The following EIF3L variants were observed in gnomAD, a reference collection of about 807,000 sequenced individuals.
EIF3L encodes eukaryotic translation initiation factor 3 subunit L, also known as eIEF associated protein HSPC021.
A neutral mutation model predicts 74.6 loss-of-function variants in EIF3L; 32 were observed. The observed-to-expected ratio is 0.43, with a 90% CI of 0.32 to 0.58. The LOEUF is 0.58. EIF3L is among the 20% of genes least tolerant of loss of function. The pLI is 0.06. For synonymous variants in EIF3L, 256 were observed against 254.4 expected, an observed-to-expected ratio of 1.01 and a Z score of -0.06; for missense variants, 474 against 707.8, an observed-to-expected ratio of 0.67 and a Z score of 3.75.
Position 37,863,207 on chromosome 22 carries a change from C to G in EIF3L, c.506-65C>G, listed in dbSNP as rs1925953945. On this transcript the variant is annotated intron_variant, in intron 6 of 12. Coordinates refer to ENST00000652021, the MANE Select transcript of EIF3L (RefSeq NM_016091.4). ...TTTAAGAGAGAAATTACAAAGCATTCTGCAGCCTACAGAATGGGCAGAGTC... is the reference window on the plus strand; with the variant it reads ...TTTAAGAGAGAAATTACAAAGCATTGTGCAGCCTACAGAATGGGCAGAGTC... The G allele has an allele frequency of 2.1e-6, 3 of 1,421,676 alleles. No homozygotes were observed. The Admixed American group carries it at 5.8e-5, about 28-fold the overall frequency. The allele number at this position is 1,421,676 out of a possible 1,614,324, so 88.1% of individuals were successfully genotyped here. A position where few individuals can be genotyped will look rare whatever the true frequency, so the allele number is the denominator to read the frequency against.
At chr22:37,850,705 G>A (rs1374256964) in intron 2 of EIF3L, 2 of 161,712 alleles carry the variant, frequency 1.2e-5, no homozygotes, top group African/African-American at 2.4e-5. Context: ...AATCTTTTTA[G>A]GAGGTGTCTG....
At chr22:37,856,177 A>G (rs1415510112) in intron 4 of EIF3L, among the ~76,000 whole-genome samples, 1 of 151,876 alleles carries the variant, frequency 6.6e-6, no homozygotes, top group Non-Finnish European at 1.5e-5. Flanking sequence ...CCTAGGTTCA[A>G]GCAATTCTCC....
At chr22:37,853,555 A>G (rs1555913757) in intron 3 of EIF3L, among the ~76,000 whole-genome samples, 2 of 152,200 alleles carry the variant, frequency 1.3e-5, no homozygotes, top group Non-Finnish European at 2.9e-5. Flanking sequence ...GGATCACTTG[A>G]GCCTGGGAGG....
intron 11 of EIF3L, chr22:37,879,802 C>CT (rs146526845): frequency 0.023 from 3,173 of 140,356 alleles, 96 homozygotes; most frequent in African/African-American, 0.073. Context: ...CTGCACAAAG[C>CT]TTTTTTTTTT....
chr22:37,882,715 A>C (rs1396947688), intron 11 of EIF3L: 1 of 151,538 alleles, frequency 6.6e-6, no homozygotes, highest in Non-Finnish European at 1.5e-5. Context: ...CATAATTTGC[A>C]TGATAAGCCG....
At chr22:37,859,046 C>T (rs1390168410) in intron 5 of EIF3L, among the ~76,000 whole-genome samples, 1 of 151,642 alleles carries the variant, frequency 6.6e-6, no homozygotes, top group Non-Finnish European at 1.5e-5. Flanking sequence ...GTACCTGCTG[C>T]TGCTTCTGCT....
rs1460327570 is a variant in EIF3L at position 37,863,353 on chromosome 22, G to T, written c.579+8G>T. ...GATGAGTTCATCTACCAGGTATCTG[G>T]TCAGCTTCAGCCTAATTTGAAATAA... On this transcript the variant is annotated splice_region_variant and intron_variant, in intron 7 of 12. Coordinates refer to ENST00000652021, the MANE Select transcript of EIF3L (RefSeq NM_016091.4). 6.2e-7 allele frequency: 1 copy of T among 1,607,656 alleles called. No individual in the cohort carries two copies.
chr22:37,867,965 A>G (rs113253568), intron 7 of EIF3L, among the ~76,000 whole-genome samples: 6 of 151,614 alleles, frequency 4.0e-5, no homozygotes, highest in South Asian at 2.1e-4. Flanking sequence ...AAAAAAAAAA[A>G]AAAAAGAAAA....
Position 37,888,637 on chromosome 22 carries a change from C to T in EIF3L, c.*173C>T, listed in dbSNP as rs192482351. The T allele has an allele frequency of 1.1e-4, 72 of 649,438 alleles. No homozygotes were observed. Among genetic ancestry groups the T allele is most frequent in the African/African-American group, 3.8e-4 (21 of 55,162 alleles). 40.2% of individuals were successfully genotyped at this position (649,438 alleles called of 1,614,324 possible). ...AAAGGATCTTTGGAGCCAGATTTGT[C>T]GTCTCATTATTGTAGGAGAGAATTT... On this transcript the variant is annotated 3_prime_UTR_variant, in exon 13 of 13. Transcript: ENST00000652021.
At chr22:37,850,140 G>A in intron 2 of EIF3L, 77 bp downstream of exon 2, 7 of 1,556,100 alleles carry the variant, frequency 4.5e-6, no homozygotes, top group Non-Finnish European at 5.3e-6. Flanking sequence ...AGCTCTGACA[G>A]GCATCAAAAA....
rs954465298 is a variant in EIF3L, at chr22:37,866,177, AAG to A, written c.579+2838_579+2839del. Among the ~76,000 whole-genome samples, 4 of 152,212 alleles carry A rather than the reference AAG, an allele frequency of 2.6e-5. 1 individual carries two copies. The highest frequency in any genetic ancestry group is 9.6e-5 in the African/African-American group (4 of 41,458). ...GCACTTACATAAACATGACTGTATA[AAG>A]AGAGATCACTTCAAAAATGGTTACG... On this transcript the variant is annotated intron_variant, in intron 7 of 12. Coordinates refer to ENST00000652021, the MANE Select transcript of EIF3L (RefSeq NM_016091.4).
intron 7 of EIF3L, among the ~76,000 whole-genome samples, chr22:37,866,592 T>C (rs1926162421): frequency 6.6e-6 from 1 of 152,168 alleles, no homozygotes; most frequent in South Asian, 2.1e-4. Context: ...GAGACCAGCC[T>C]GACCAACATG....
chr22:37,858,720 C>T lies in EIF3L; in HGVS notation c.415C>T (p.His139Tyr). The T allele has an allele frequency of 1.2e-6, 2 of 1,607,854 alleles. No individual in the cohort carries two copies. The highest frequency in any genetic ancestry group is 2.2e-5 in the East Asian group (1 of 44,820). ...LILYKELYYRHIYAKVSGGPS... is the reference protein window; with the variant it reads ...LILYKELYYRYIYAKVSGGPS... ...TTTATACAAAGAATTATACTACAGGCACATATATGCCAAAGTCAGTGTAAG... is the reference window on the plus strand; with the variant it reads ...TTTATACAAAGAATTATACTACAGGTACATATATGCCAAAGTCAGTGTAAG... Residue 139 changes from histidine to tyrosine, a missense_variant, in exon 5 of 13, where the codon CAC becomes TAC. Physicochemically the swap from His to Tyr is moderately conservative, Grantham distance 83. Coordinates refer to ENST00000652021, the MANE Select transcript of EIF3L (RefSeq NM_016091.4).
intron 5 of EIF3L, 62 bp downstream of exon 5, chr22:37,858,802 TG>T: frequency 7.0e-7 from 1 of 1,434,654 alleles, no homozygotes; most frequent in African/African-American, 1.4e-5. Flanking sequence ...GTGCTGTTTT[TG>T]TCCCTAGAAC....
Position 37,874,540 on chromosome 22 carries a change from T to G in EIF3L, c.906+16T>G. ...GAACAAGAAGGTGATGCCTATTGCC[T>G]CTGGCCCCTCTTGCCAGAGCCAGAA... On this transcript the variant is annotated intron_variant, in intron 9 of 12. Coordinates refer to ENST00000652021, the MANE Select transcript of EIF3L (RefSeq NM_016091.4). 1 of 1,608,474 alleles carries G rather than the reference T, an allele frequency of 6.2e-7. No homozygotes were observed. The highest frequency in any genetic ancestry group is 1.1e-5 in the South Asian group (1 of 90,572).
chr22:37,881,349 C>T (rs983888407), intron 11 of EIF3L: 12 of 152,224 alleles, frequency 7.9e-5, no homozygotes, highest in African/African-American at 2.9e-4. Flanking sequence ...ATCCTTCTGT[C>T]TCAGCCTCCT....
intron 4 of EIF3L, among the ~76,000 whole-genome samples, chr22:37,857,354 A>G (rs1483616148): frequency 1.7e-5 from 2 of 118,370 alleles, no homozygotes; most frequent in African/African-American, 6.8e-5. Context: ...TGGGCGACAG[A>G]GCAAGACTGC....
chr22:37,878,818 G>A (rs1926894406), intron 11 of EIF3L: 1 of 152,202 alleles, frequency 6.6e-6, no homozygotes, highest in African/African-American at 2.4e-5. Context: ...GCACTGCAGA[G>A]TAAAGGAAGG....
chr22:37,863,319 G>A lies in EIF3L; in HGVS notation c.553G>A (p.Asp185Asn). The part of the protein sequence containing the change: ...PLELPNQWLW[D>N]IIDEFIYQFQ... ...TGAACTACCCAACCAGTGGCTCTGG[G>A]ATATTATCGATGAGTTCATCTACCA... is the stretch of plus-strand genomic sequence containing the variant. The change falls in exon 7 of 13, where the codon GAT becomes AAT. Residue 185 changes from aspartate to asparagine, a missense_variant. Coordinates refer to ENST00000652021, the MANE Select transcript of EIF3L (RefSeq NM_016091.4). 1 of 1,613,958 alleles carries A rather than the reference G, an allele frequency of 6.2e-7. No individual in the cohort carries two copies. The highest frequency in any genetic ancestry group is 8.5e-7 in the Non-Finnish European group (1 of 1,179,956).
Sources: gnomAD v4.1 joint callset for allele counts (sites outside exome capture counted in the v4.1 genomes callset) on GRCh38, gnomAD v4.1.1 for gene constraint, MANE v1.5 for transcripts, NCBI Gene and HGNC (gene_info 2026-07-23, HGNC 2026-07-21) for gene names.